The following GDAP1 variants were observed in gnomAD, a reference collection of about 807,000 sequenced individuals.
GDAP1 encodes ganglioside induced differentiation associated protein 1, also known as ganglioside-induced differentiation-associated protein 1.
GDAP1 carries 34 observed loss-of-function variants against 40.1 expected under a neutral mutation model. The ratio of observed to expected loss-of-function variants is 0.85; its 90% CI spans 0.64 to 1.13. The LOEUF (loss-of-function observed/expected upper bound fraction) is 1.13, where lower values mean the gene tolerates loss of function less well. Among genes scored for constraint, GDAP1 ranks in the 50% most tolerant of loss-of-function variants. GDAP1 has a pLI of 0.00. For synonymous variants in GDAP1, 170 were observed against 157.4 expected, an observed-to-expected ratio of 1.08 and a Z score of -0.60; for missense variants, 374 against 433.7, an observed-to-expected ratio of 0.86 and a Z score of 1.22.
chr8:74,390,459 T>A (rs1448006481), intron 2 of GDAP1, among the ~76,000 whole-genome samples: 2 of 152,176 alleles, frequency 1.3e-5, no homozygotes, highest in Non-Finnish European at 2.9e-5. Context: ...TCTGCTGGAG[T>A]TTGCTGGAAG....
intron 2 of GDAP1, among the ~76,000 whole-genome samples, chr8:74,484,259 C>T (rs2128721840): frequency 6.6e-6 from 1 of 152,240 alleles, no homozygotes; most frequent in East Asian, 1.9e-4. Flanking sequence ...ATACGTCATA[C>T]ATTCAGATTG....
chr8:74,406,318 A>C (rs1295383051), intron 2 of GDAP1, among the ~76,000 whole-genome samples: 1 of 150,356 alleles, frequency 6.7e-6, no homozygotes, highest in Non-Finnish European at 1.5e-5. Flanking sequence ...CCATTTAATG[A>C]ATTCTAGGCT....
At position 74,451,872 on chromosome 8, in the gene GDAP1, T is replaced by G. The variant is rs1310091270; in HGVS notation, c.166-36806T>G. On this transcript the variant is annotated intron_variant, in intron 2 of 2. Coordinates refer to the GDAP1 transcript ENST00000523640. ...TTTTAAAAGATTACCTTTGTGCTTT[T>G]GTTTTATAGCAGTTGACATAAATGT... Among the ~76,000 whole-genome samples, 5 of 82,544 alleles carry G rather than the reference T, an allele frequency of 6.1e-5. 1 individual carries two copies. The highest frequency in any genetic ancestry group is 9.7e-5 in the Non-Finnish European group (4 of 41,108). 54.2% of individuals were successfully genotyped at this position (82,544 alleles called of 152,430 possible). A position where few individuals can be genotyped will look rare whatever the true frequency, so the allele number is the denominator to read the frequency against.
At chr8:74,385,949 CT>C in intron 2 of GDAP1, among the ~76,000 whole-genome samples, 1 of 152,284 alleles carries the variant, frequency 6.6e-6, no homozygotes, top group South Asian at 2.1e-4. Context: ...TGATGATGAG[CT>C]TTTTTTCATA....
chr8:74,414,036 TAG>T (rs1805747580), intron 2 of GDAP1, among the ~76,000 whole-genome samples: 1 of 150,096 alleles, frequency 6.7e-6, no homozygotes, highest in South Asian at 2.1e-4. Flanking sequence ...ATTCCGACAC[TAG>T]TCAATGGCAA....
intron 2 of GDAP1, among the ~76,000 whole-genome samples, chr8:74,378,669 C>T (rs1334711779): frequency 6.6e-6 from 1 of 152,192 alleles, no homozygotes; most frequent in East Asian, 1.9e-4. Flanking sequence ...ACATAACTAA[C>T]AGAGGAAAGG....
At chr8:74,435,377 A>G (rs1233606221) in intron 2 of GDAP1, among the ~76,000 whole-genome samples, 1 of 152,188 alleles carries the variant, frequency 6.6e-6, no homozygotes, top group Non-Finnish European at 1.5e-5. Context: ...AAAACACACT[A>G]GTATGCGCAT....
intron 2 of GDAP1, among the ~76,000 whole-genome samples, chr8:74,456,847 G>A (rs555222361): frequency 1.4e-4 from 21 of 152,154 alleles, no homozygotes; most frequent in African/African-American, 5.1e-4. Flanking sequence ...ATTCTGATGT[G>A]TGATGAAGTT....
Position 74,364,970 on chromosome 8 carries a change from C to A in GDAP1, c.*603C>A. On this transcript the variant is annotated 3_prime_UTR_variant, in exon 6 of 6. Transcript: ENST00000220822. ...TAAGTGATATTAAGATGATTCCTTA[C>A]CATTTCAGATGGTCCGCAATTTGAA... 1 of 454,082 alleles carries A rather than the reference C, an allele frequency of 2.2e-6. No homozygotes were observed. The highest frequency in any genetic ancestry group is 4.4e-6 in the Non-Finnish European group (1 of 226,782). 28.1% of individuals were successfully genotyped at this position (454,082 alleles called of 1,614,324 possible).
At chr8:74,375,755 A>C (rs1262094585) in intron 2 of GDAP1, among the ~76,000 whole-genome samples, 1 of 152,190 alleles carries the variant, frequency 6.6e-6, no homozygotes, top group African/African-American at 2.4e-5. Context: ...CATCACTTCT[A>C]CTTGTTATCC....
intron 2 of GDAP1, among the ~76,000 whole-genome samples, chr8:74,468,255 T>G (rs958369019): frequency 6.6e-6 from 1 of 152,074 alleles, no homozygotes; most frequent in Non-Finnish European, 1.5e-5. Flanking sequence ...ATATGTATAT[T>G]TTTCCATATA....
At chr8:74,436,420 C>CTT (rs11337545) in intron 2 of GDAP1, among the ~76,000 whole-genome samples, 28 of 110,326 alleles carry the variant, frequency 2.5e-4, no homozygotes, top group Non-Finnish European at 4.0e-4. Context: ...CCATCCCTTC[C>CTT]TTTTTTTTTT....
intron 2 of GDAP1, among the ~76,000 whole-genome samples, chr8:74,470,634 C>T (rs556708410): frequency 7.9e-5 from 12 of 152,258 alleles, no homozygotes; most frequent in African/African-American, 2.2e-4. Flanking sequence ...GTGCCACATT[C>T]TCTTAATCCA....
chr8:74,433,649 A>G (rs1036697834), intron 2 of GDAP1, among the ~76,000 whole-genome samples: 4 of 152,116 alleles, frequency 2.6e-5, no homozygotes, highest in African/African-American at 7.2e-5. Flanking sequence ...TCAACCTGGT[A>G]TCTTCAACTG....
intron 2 of GDAP1, among the ~76,000 whole-genome samples, chr8:74,428,819 A>C (rs1189679442): frequency 2.0e-5 from 3 of 151,152 alleles, no homozygotes; most frequent in African/African-American, 7.3e-5. Flanking sequence ...ACAAATAAAT[A>C]AAAGTCTAAC....
At chr8:74,487,744 A>G (rs1806793859) in intron 2 of GDAP1, among the ~76,000 whole-genome samples, 1 of 152,112 alleles carries the variant, frequency 6.6e-6, no homozygotes, top group African/African-American at 2.4e-5. Context: ...TCTATTTTAT[A>G]TTTGCCTCTT....
At chr8:74,411,348 G>A (rs1443190491) in intron 2 of GDAP1, among the ~76,000 whole-genome samples, 3 of 149,408 alleles carry the variant, frequency 2.0e-5, no homozygotes. Context: ...TCCTCAAATG[G>A]ACAATTTTGA....
intron 2 of GDAP1, among the ~76,000 whole-genome samples, chr8:74,447,792 ACT>A (rs1472895577): frequency 2.6e-5 from 4 of 152,048 alleles, no homozygotes; most frequent in Non-Finnish European, 5.9e-5. Flanking sequence ...ATGAATGCAA[ACT>A]CTGTTTCATG....
At chr8:74,402,608 C>T (rs1411338922) in intron 2 of GDAP1, among the ~76,000 whole-genome samples, 1 of 150,196 alleles carries the variant, frequency 6.7e-6, no homozygotes, top group African/African-American at 2.5e-5. Context: ...GAACCTGGTA[C>T]CTGAGATGGA....
Sources: allele counts gnomAD v4.1 joint callset (sites outside exome capture counted in the v4.1 genomes callset), GRCh38; gene constraint gnomAD v4.1.1; transcripts MANE v1.5; gene names NCBI Gene and HGNC (gene_info 2026-07-23, HGNC 2026-07-21).